Variants in APP observed in about 807,000 individuals in gnomAD.
APP encodes amyloid beta precursor protein.
Under a neutral mutation model 101.4 loss-of-function variants are expected in APP, and 31 were observed. The ratio of observed to expected loss-of-function variants is 0.31; its 90% CI spans 0.23 to 0.41. The LOEUF (loss-of-function observed/expected upper bound fraction) is 0.41. Ranked by LOEUF, APP falls within the 10% of genes least tolerant of loss-of-function variation. APP has a pLI of 1.00. For missense variants in APP, 839 were observed against 1,003.7 expected (o/e 0.84, Z 2.22); for synonymous variants, 366 against 364.4 (o/e 1.00, Z -0.05).
intron 5 of APP, among the ~76,000 whole-genome samples, chr21:26,035,708 G>A (rs147889937): frequency 1.7e-3 from 259 of 152,280 alleles, no homozygotes; most frequent in African/African-American, 6.0e-3. Flanking sequence ...CCTGGCTGCT[G>A]TACAGAGAAT....
At chr21:25,948,004 CAA>C (rs34371241) in intron 13 of APP, among the ~76,000 whole-genome samples, 19 of 71,064 alleles carry the variant, frequency 2.7e-4, no homozygotes, top group South Asian at 5.5e-4. Flanking sequence ...GACTCCATCT[CAA>C]AAAAAAAAAA....
At chr21:26,050,322 C>G (rs2045785897) in intron 5 of APP, among the ~76,000 whole-genome samples, 1 of 152,108 alleles carries the variant, frequency 6.6e-6, no homozygotes, top group Non-Finnish European at 1.5e-5. Flanking sequence ...AATGCCTGAA[C>G]CAGATGGCAT....
At chr21:26,037,719 A>G (rs2045182242) in intron 5 of APP, among the ~76,000 whole-genome samples, 1 of 152,184 alleles carries the variant, frequency 6.6e-6, no homozygotes, top group South Asian at 2.1e-4. Flanking sequence ...ACATATTTTC[A>G]TAAAACCAAA....
At chr21:25,887,532 A>C (rs1399814678) in intron 17 of APP, among the ~76,000 whole-genome samples, 8 of 151,532 alleles carry the variant, frequency 5.3e-5, no homozygotes, top group Non-Finnish European at 8.8e-5. Context: ...AAAAAAAAAA[A>C]AAAAAAAACA....
intron 11 of APP, among the ~76,000 whole-genome samples, chr21:25,973,943 T>TAAAAAAAAA (rs369334912): frequency 4.5e-5 from 5 of 111,094 alleles, no homozygotes; most frequent in South Asian, 3.2e-4. Flanking sequence ...CCATCTCATT[T>TAAAAAAAAA]AAAAAAAAAA....
chr21:25,934,185 G>GA (rs1569075111), intron 13 of APP: 1 of 152,170 alleles, frequency 6.6e-6, no homozygotes, highest in Non-Finnish European at 1.5e-5. Flanking sequence ...TAGAGCAAGC[G>GA]AAAGGCATGA....
At chr21:26,154,170 C>A (rs913227101) in intron 1 of APP, among the ~76,000 whole-genome samples, 26 of 152,144 alleles carry the variant, frequency 1.7e-4, no homozygotes, top group African/African-American at 5.1e-4. Flanking sequence ...GGCACACACA[C>A]AATAAGCCTT....
intron 1 of APP, among the ~76,000 whole-genome samples, chr21:26,159,709 G>A (rs909197629): frequency 2.6e-5 from 4 of 152,062 alleles, no homozygotes; most frequent in Non-Finnish European, 4.4e-5. Context: ...GCAACAACAA[G>A]ACACTAATAT....
chr21:26,005,840 C>A (rs371664275), intron 6 of APP, among the ~76,000 whole-genome samples: 1 of 152,112 alleles, frequency 6.6e-6, no homozygotes, highest in East Asian at 1.9e-4. Flanking sequence ...AAATCAGCCA[C>A]TAAATGTAGA....
rs751737465 is a variant in APP, at chr21:25,955,718, C to T, written c.1496G>A (p.Arg499His). 32 of 1,614,108 alleles carry T rather than the reference C, an allele frequency of 2.0e-5. No homozygotes were observed. Among genetic ancestry groups the T allele is most frequent in the Non-Finnish European group, 2.5e-5 (29 of 1,180,008 alleles). ...HVFNMLKKYV[R>H]AEQKDRQHTL... is the part of the protein sequence containing the mutation. ...GTGCTGTCTGTCCTTCTGTTCTGCG[C>T]GGACATACTTCTTTAGCATATTGAA... The change falls in exon 12 of 18, where the codon CGC (arginine) becomes CAC (histidine). Residue 499 changes from arginine (R) to histidine (H), a missense_variant. Arg to His is a conservative substitution (Grantham distance 29). Coordinates refer to ENST00000346798, the MANE Select transcript of APP (RefSeq NM_000484.4).
intron 2 of APP, among the ~76,000 whole-genome samples, chr21:26,095,357 T>A (rs1323740110): frequency 3.3e-5 from 5 of 152,202 alleles, no homozygotes; most frequent in Non-Finnish European, 5.9e-5. Context: ...AAGTGAATCA[T>A]CCCTTTGTCC....
chr21:25,926,717 T>C (rs1401764957), intron 13 of APP, among the ~76,000 whole-genome samples: 5 of 152,170 alleles, frequency 3.3e-5, no homozygotes, highest in African/African-American at 9.7e-5. Flanking sequence ...GACATGGCTA[T>C]ATTACTTGGA....
At chr21:26,134,611 T>C (rs117450747) in intron 1 of APP, among the ~76,000 whole-genome samples, 4,974 of 152,330 alleles carry the variant, frequency 0.033, 119 homozygotes, top group Non-Finnish European at 0.05. Context: ...TTCAGCTATC[T>C]GGAAGTTCCC....
chr21:25,943,430 G>A (rs2040663887), intron 13 of APP, among the ~76,000 whole-genome samples: 1 of 518 alleles, frequency 1.9e-3, no homozygotes, highest in Non-Finnish European at 0.011. Flanking sequence ...GGGATTACAG[G>A]CGTGAGCACC....
At chr21:26,094,588 A>G (rs2061899973) in intron 2 of APP, among the ~76,000 whole-genome samples, 1 of 149,108 alleles carries the variant, frequency 6.7e-6, no homozygotes, top group Non-Finnish European at 1.5e-5. Context: ...AAATATAAAT[A>G]TATAGCTCAT....
chr21:26,138,852 A>C (rs1471440668), intron 1 of APP, among the ~76,000 whole-genome samples: 1 of 152,242 alleles, frequency 6.6e-6, no homozygotes, highest in Non-Finnish European at 1.5e-5. Flanking sequence ...CTCAAAAAGC[A>C]AACTGACATT....
At chr21:26,166,038 G>C (rs1042732245) in intron 1 of APP, among the ~76,000 whole-genome samples, 4 of 152,102 alleles carry the variant, frequency 2.6e-5, no homozygotes, top group South Asian at 2.1e-4. Flanking sequence ...TTAATCTAAA[G>C]AGGAAAATTT....
At chr21:25,948,960 CAT>C (rs2040948436) in intron 13 of APP, among the ~76,000 whole-genome samples, 1 of 151,954 alleles carries the variant, frequency 6.6e-6, no homozygotes, top group African/African-American at 2.4e-5. Context: ...ATAATGATTC[CAT>C]CGTTTGTTGA....
rs367900945 is a variant in APP at position 25,887,540 on chromosome 21, A to AAC, written c.2211+4181_2211+4182insGT. Reference sequence around the variant, plus strand: ...TTGAAAAAAAAAAAAAAAAAAAAAAACAACAACTAGCAAGTGCTCATTTCC... The same window carrying AAC: ...TTGAAAAAAAAAAAAAAAAAAAAAAAACCAACAACTAGCAAGTGCTCATTTCC... On this transcript the variant is annotated intron_variant, in intron 17 of 17. Coordinates refer to ENST00000346798, the MANE Select transcript of APP (RefSeq NM_000484.4). Among the ~76,000 whole-genome samples, 39 of 139,316 alleles carry AAC rather than the reference A, an allele frequency of 2.8e-4. 1 individual carries two copies. Among genetic ancestry groups the AAC allele is most frequent in the African/African-American group, 2.9e-4 (11 of 37,714 alleles). 91.4% of individuals were successfully genotyped at this position (139,316 alleles called of 152,430 possible).
Sources: allele counts gnomAD v4.1 joint callset (sites outside exome capture counted in the v4.1 genomes callset), GRCh38; gene constraint gnomAD v4.1.1; transcripts MANE v1.5; gene names NCBI Gene and HGNC (gene_info 2026-07-23, HGNC 2026-07-21).